The following NUMB variants were observed in gnomAD, a reference collection of about 807,000 sequenced individuals.
NUMB encodes the protein protein numb homolog.
Under a neutral mutation model 59.7 loss-of-function variants are expected in NUMB, and 29 were observed. The observed-to-expected ratio is 0.49, with a 90% CI of 0.36 to 0.66. NUMB has a LOEUF of 0.66. NUMB is among the 30% of genes least tolerant of loss of function. The probability of loss-of-function intolerance (pLI) is 0.00; values close to 1 mark genes in which losing one functional copy is unlikely to be tolerated. For synonymous variants in NUMB, 288 were observed against 288.2 expected, an observed-to-expected ratio of 1.00 and a Z score of 0.01; for missense variants, 723 against 822.0, an observed-to-expected ratio of 0.88 and a Z score of 1.47.
At chr14:73,415,860 G>T (rs944037641) in intron 1 of NUMB, among the ~76,000 whole-genome samples, 1 of 151,916 alleles carries the variant, frequency 6.6e-6, no homozygotes, top group African/African-American at 2.4e-5. Context: ...CAATACTTTA[G>T]AATTAGAGCA....
At chr14:73,456,695 C>T (rs1395483209) in intron 1 of NUMB, among the ~76,000 whole-genome samples, 2 of 152,232 alleles carry the variant, frequency 1.3e-5, no homozygotes, top group East Asian at 3.9e-4. Context: ...ATCTTTTAGG[C>T]AATTTGCCTC....
chr14:73,420,686 G>A (rs967545901), intron 1 of NUMB, among the ~76,000 whole-genome samples: 4 of 152,072 alleles, frequency 2.6e-5, no homozygotes, highest in African/African-American at 7.2e-5. Context: ...CAGGTGTCAT[G>A]GCACACGTCT....
At chr14:73,309,370 A>G (rs943649090) in intron 6 of NUMB, among the ~76,000 whole-genome samples, 1 of 152,224 alleles carries the variant, frequency 6.6e-6, no homozygotes, top group Non-Finnish European at 1.5e-5. Context: ...GCACATATAC[A>G]GTATGGAATA....
intron 3 of NUMB, 119 bp from the exon 4 acceptor site, chr14:73,355,885 T>A: frequency 1.5e-6 from 1 of 687,704 alleles, no homozygotes; most frequent in Non-Finnish European, 2.4e-6. Flanking sequence ...GGGTTTTATT[T>A]AAGCAATATA....
chr14:73,403,922 G>A (rs1443418619), intron 2 of NUMB, among the ~76,000 whole-genome samples: 1 of 151,708 alleles, frequency 6.6e-6, no homozygotes, highest in Non-Finnish European at 1.5e-5. Flanking sequence ...CTGAAACCCC[G>A]TCTCTACTAA....
At position 73,453,449 on chromosome 14, in the gene NUMB, T is replaced by C. The variant is rs539028617; in HGVS notation, c.-233+5044A>G. On this transcript the variant is annotated intron_variant, in intron 1 of 12. Transcript: ENST00000555238. Reference sequence around the variant, plus strand: ...GCCTAGCCTCAAAGTGCACGTTTAATAATCTCCAAAATATATGGCAATATT... The same window carrying C: ...GCCTAGCCTCAAAGTGCACGTTTAACAATCTCCAAAATATATGGCAATATT... Among the ~76,000 whole-genome samples, 88 of 152,030 alleles carry C rather than the reference T, an allele frequency of 5.8e-4. 1 individual carries two copies. The highest frequency in any genetic ancestry group is 2.0e-3 in the African/African-American group (85 of 41,498).
At position 73,276,792 on chromosome 14, in the gene NUMB, T is replaced by G; in HGVS notation, c.1742A>C (p.Gln581Pro). The change falls in exon 13 of 13, where the codon CAG becomes CCG. Residue 581 changes from glutamine to proline, a missense_variant. Physicochemically the swap from Gln to Pro is moderately conservative, Grantham distance 76. Transcript: ENST00000555238. ...TTSPFFKPPA[Q>P]HLNGSAAFNG... is the part of the protein sequence containing the mutation. The stretch of plus-strand genomic sequence containing the variant: ...GAAAGCTGCAGAACCGTTGAGGTGC[T>G]GAGCAGGAGGCTTAAAGAAGGGACT... 1 of 1,614,202 alleles carries G rather than the reference T, an allele frequency of 6.2e-7. No homozygotes were observed. The highest frequency in any genetic ancestry group is 8.5e-7 in the Non-Finnish European group (1 of 1,180,030).
At chr14:73,447,508 T>C (rs932179244) in intron 1 of NUMB, among the ~76,000 whole-genome samples, 4 of 151,072 alleles carry the variant, frequency 2.6e-5, no homozygotes, top group East Asian at 1.9e-4. Context: ...TAAATATATA[T>C]AAAATTAGTC....
intron 4 of NUMB, among the ~76,000 whole-genome samples, chr14:73,350,546 C>G (rs1252459610): frequency 6.6e-6 from 1 of 151,228 alleles, no homozygotes; most frequent in Non-Finnish European, 1.5e-5. Context: ...CCTTTACCTA[C>G]TTTTTTTTCT....
rs1888200192 is a variant in NUMB at position 73,276,915 on chromosome 14, C to T, written c.1619G>A (p.Gly540Asp). The change falls in exon 13 of 13, where the codon GGC becomes GAC. Residue 540 changes from glycine to aspartate, a missense_variant. By Grantham distance (94) the Gly-to-Asp change is moderately conservative (BLOSUM62 -1). Transcript: ENST00000555238. ...GGCAGCCTGAGGGTGGCCTGCAGTG[C>T]CAAATACGTTGGCCACCATCTGGGA... ...TPSQMVANVFGTAGHPQAAHP... is the reference protein window; with the variant it reads ...TPSQMVANVFDTAGHPQAAHP... The T allele has an allele frequency of 6.2e-7, 1 of 1,613,956 alleles. No homozygotes were observed. Among genetic ancestry groups the T allele is most frequent in the African/African-American group, 1.3e-5 (1 of 74,898 alleles).
At chr14:73,401,053 A>T (rs1402537372) in intron 2 of NUMB, among the ~76,000 whole-genome samples, 1 of 152,212 alleles carries the variant, frequency 6.6e-6, no homozygotes, top group East Asian at 1.9e-4. Flanking sequence ...CAATTTAAGT[A>T]GGGGATTGAG....
chr14:73,277,630 C>G (rs1310542280), intron 12 of NUMB, among the ~76,000 whole-genome samples: 1 of 152,116 alleles, frequency 6.6e-6, no homozygotes, highest in Admixed American at 6.5e-5. Context: ...GTTGTGGTAG[C>G]TCACACCTGT....
At chr14:73,422,097 T>C (rs539855100) in intron 1 of NUMB, among the ~76,000 whole-genome samples, 1 of 151,592 alleles carries the variant, frequency 6.6e-6, no homozygotes, top group Admixed American at 6.6e-5. Context: ...TGAGCCAAGA[T>C]TGCACCACTA....
At chr14:73,444,521 G>C (rs1260308223) in intron 1 of NUMB, among the ~76,000 whole-genome samples, 1 of 151,876 alleles carries the variant, frequency 6.6e-6, no homozygotes, top group African/African-American at 2.4e-5. Flanking sequence ...ATTGAGGCAA[G>C]CCTTTAAAAT....
intron 4 of NUMB, among the ~76,000 whole-genome samples, chr14:73,346,561 CA>C (rs1462256290): frequency 6.6e-6 from 1 of 151,792 alleles, no homozygotes; most frequent in Non-Finnish European, 1.5e-5. Context: ...TTTAATTAAT[CA>C]TTACTGTTAC....
chr14:73,423,467 C>G (rs1897443541), intron 1 of NUMB, among the ~76,000 whole-genome samples: 1 of 151,988 alleles, frequency 6.6e-6, no homozygotes, highest in African/African-American at 2.4e-5. Context: ...ATGGCAAAAG[C>G]CCATCTCTAC....
At chr14:73,389,608 C>T (rs1008603921) in intron 2 of NUMB, among the ~76,000 whole-genome samples, 3 of 152,168 alleles carry the variant, frequency 2.0e-5, no homozygotes, top group African/African-American at 7.2e-5. Context: ...AGGCATGAAC[C>T]TCCAAAGTGC....
chr14:73,402,667 C>A (rs1896476621), intron 2 of NUMB, among the ~76,000 whole-genome samples: 1 of 152,192 alleles, frequency 6.6e-6, no homozygotes, highest in Admixed American at 6.5e-5. Context: ...ATCTCCTTCA[C>A]ACTTCACGAC....
chr14:73,338,039 C>T (rs964534260), intron 4 of NUMB, among the ~76,000 whole-genome samples: 1 of 152,110 alleles, frequency 6.6e-6, no homozygotes, highest in Non-Finnish European at 1.5e-5. Flanking sequence ...AATCCCAGCA[C>T]TTTGGGAAGC....
Sources: allele counts gnomAD v4.1 joint callset (sites outside exome capture counted in the v4.1 genomes callset), GRCh38; gene constraint gnomAD v4.1.1; transcripts MANE v1.5; gene names NCBI Gene and HGNC (gene_info 2026-07-23, HGNC 2026-07-21).